Variants in LHFPL6 observed in about 807,000 individuals in gnomAD.
LHFPL6 encodes the protein LHFPL tetraspan subfamily member 6.
In LHFPL6, 9 loss-of-function variants were observed where a neutral mutation model predicts 20.6. The ratio of observed to expected loss-of-function variants is 0.44; its 90% CI spans 0.26 to 0.76. LHFPL6 has a LOEUF of 0.76. LHFPL6 is among the 30% of genes least tolerant of loss of function. LHFPL6 has a pLI of 0.20. For missense variants in LHFPL6, 218 were observed against 253.5 expected, an observed-to-expected ratio of 0.86 and a Z score of 0.95; for synonymous variants, 105 against 98.7, an observed-to-expected ratio of 1.06 and a Z score of -0.38.
intron 2 of LHFPL6, among the ~76,000 whole-genome samples, chr13:39,523,611 A>G (rs1029327974): frequency 1.3e-5 from 2 of 152,050 alleles, no homozygotes; most frequent in African/African-American, 4.8e-5. Flanking sequence ...GACCCAGGTC[A>G]TAAGAAGAAT....
intron 2 of LHFPL6, among the ~76,000 whole-genome samples, chr13:39,512,605 A>AAAAAAAAAAG (rs1166238464): frequency 6.7e-6 from 1 of 149,872 alleles, no homozygotes; most frequent in Non-Finnish European, 1.5e-5. Flanking sequence ...CCGTCTCAAA[A>AAAAAAAAAAG]AAAAAAAAAA....
chr13:39,573,333 C>T (rs1238956665), intron 2 of LHFPL6, among the ~76,000 whole-genome samples: 2 of 152,056 alleles, frequency 1.3e-5, no homozygotes, highest in Non-Finnish European at 2.9e-5. Flanking sequence ...AGGTCTTAGC[C>T]TTCGAAAGGA....
At chr13:39,398,922 C>T (rs1284222635) in intron 2 of LHFPL6, among the ~76,000 whole-genome samples, 1 of 152,190 alleles carries the variant, frequency 6.6e-6, no homozygotes, top group East Asian at 1.9e-4. Context: ...CTACACCCTC[C>T]TGTCCATGGA....
At chr13:39,495,630 C>T (rs978683940) in intron 2 of LHFPL6, among the ~76,000 whole-genome samples, 2 of 149,866 alleles carry the variant, frequency 1.3e-5, no homozygotes, top group African/African-American at 2.5e-5. Context: ...AGTATATGAT[C>T]GTGTAATAAC....
chr13:39,537,338 T>C (rs1270728168), intron 2 of LHFPL6, among the ~76,000 whole-genome samples: 1 of 151,962 alleles, frequency 6.6e-6, no homozygotes, highest in Non-Finnish European at 1.5e-5. Flanking sequence ...AAGGAAATAA[T>C]AGGTATAAAG....
chr13:39,562,407 C>CATATATAT (rs1401360857), intron 2 of LHFPL6, among the ~76,000 whole-genome samples: 2 of 70,184 alleles, frequency 2.8e-5, no homozygotes, highest in African/African-American at 1.1e-4. Flanking sequence ...TACATATATA[C>CATATATAT]ACATATACAC....
intron 3 of LHFPL6, among the ~76,000 whole-genome samples, chr13:39,349,721 GAA>G (rs1869508613): frequency 6.6e-6 from 1 of 152,240 alleles, no homozygotes; most frequent in African/African-American, 2.4e-5. Context: ...TCAGGTCAGT[GAA>G]AGAGAGCCTT....
At chr13:39,352,028 C>A (rs1869581693) in intron 3 of LHFPL6, among the ~76,000 whole-genome samples, 1 of 152,182 alleles carries the variant, frequency 6.6e-6, no homozygotes, top group Admixed American at 6.5e-5. Flanking sequence ...TTTGACAATG[C>A]CCATGTTCAA....
rs1344448133 is a variant in LHFPL6, at chr13:39,343,085, A to G, written c.*851T>C. 1 of 201,058 alleles carries G rather than the reference A, an allele frequency of 5.0e-6. No individual in the cohort carries two copies. The highest frequency in any genetic ancestry group is 1.0e-5 in the Non-Finnish European group (1 of 97,254). The allele number at this position is 201,058 out of a possible 1,614,324, so 12.5% of individuals were successfully genotyped here. ...TATCTTCGGCTGAATTCTCTCCTAT[A>G]GTGGACAGAAAGTTGCCCCTTTTCT... On this transcript the variant is annotated 3_prime_UTR_variant, in exon 4 of 4. Transcript: ENST00000379589.
At chr13:39,380,484 C>T (rs1310981370) in intron 2 of LHFPL6, among the ~76,000 whole-genome samples, 1 of 151,554 alleles carries the variant, frequency 6.6e-6, no homozygotes, top group Non-Finnish European at 1.5e-5. Context: ...TGAGCTCTGC[C>T]TCCTGTCAGA....
intron 2 of LHFPL6, among the ~76,000 whole-genome samples, chr13:39,402,612 A>C (rs1387221708): frequency 6.6e-6 from 1 of 152,226 alleles, no homozygotes; most frequent in Non-Finnish European, 1.5e-5. Flanking sequence ...TTCTATTGAC[A>C]ACACAAATAC....
chr13:39,485,075 C>T (rs1043619651), intron 2 of LHFPL6, among the ~76,000 whole-genome samples: 6 of 152,156 alleles, frequency 3.9e-5, no homozygotes, highest in African/African-American at 1.2e-4. Context: ...TCTACTAATG[C>T]TTTATAAATT....
chr13:39,489,221 C>A (rs1868830190), intron 2 of LHFPL6, among the ~76,000 whole-genome samples: 2 of 152,158 alleles, frequency 1.3e-5, no homozygotes, highest in Non-Finnish European at 2.9e-5. Flanking sequence ...TAAATACTGA[C>A]CGTACTGGGA....
intron 2 of LHFPL6, among the ~76,000 whole-genome samples, chr13:39,481,356 G>A (rs1328174675): frequency 6.6e-6 from 1 of 152,094 alleles, no homozygotes; most frequent in African/African-American, 2.4e-5. Context: ...AAACAGACAA[G>A]GTTGCCACTT....
At position 39,601,354 on chromosome 13, in the gene LHFPL6, A is replaced by G; in HGVS notation, c.-138T>C. 1 of 788,840 alleles carries G rather than the reference A, an allele frequency of 1.3e-6. No homozygotes were observed. Among genetic ancestry groups the G allele is most frequent in the Non-Finnish European group, 1.9e-6 (1 of 525,836 alleles). The allele number at this position is 788,840 out of a possible 1,614,324, so 48.9% of individuals were successfully genotyped here. A position where few individuals can be genotyped will look rare whatever the true frequency, so the allele number is the denominator to read the frequency against. On this transcript the variant is annotated 5_prime_UTR_variant, in exon 2 of 4. The change abolishes an upstream ATG in the 5' untranslated region. Coordinates refer to ENST00000379589, the MANE Select transcript of LHFPL6 (RefSeq NM_005780.3). ...GAATGGATCTTCAGTCTTACTGGGC[A>G]TCAACTTTCCATCCTCTGCACTAAA... is the stretch of plus-strand genomic sequence containing the variant.
chr13:39,489,660 T>A (rs1868849680), intron 2 of LHFPL6, among the ~76,000 whole-genome samples: 1 of 151,444 alleles, frequency 6.6e-6, no homozygotes, highest in Non-Finnish European at 1.5e-5. Flanking sequence ...GCTCAAGGGA[T>A]CCTCACCTCA....
chr13:39,435,577 A>AATTC (rs1273072173), intron 2 of LHFPL6, among the ~76,000 whole-genome samples: 1 of 152,242 alleles, frequency 6.6e-6, no homozygotes, highest in Non-Finnish European at 1.5e-5. Context: ...TTACAGAATT[A>AATTC]TGCGTGAGTA....
intron 2 of LHFPL6, among the ~76,000 whole-genome samples, chr13:39,462,867 T>C (rs1872718312): frequency 1.3e-5 from 2 of 152,282 alleles, no homozygotes; most frequent in South Asian, 4.1e-4. Context: ...GGATTCATTC[T>C]TCGGGATGGG....
chr13:39,558,185 A>G (rs917738130), intron 2 of LHFPL6, among the ~76,000 whole-genome samples: 1 of 152,238 alleles, frequency 6.6e-6, no homozygotes, highest in Non-Finnish European at 1.5e-5. Context: ...ATATTACACT[A>G]GTCTCACAGA....
Sources: allele counts gnomAD v4.1 joint callset (sites outside exome capture counted in the v4.1 genomes callset), GRCh38; gene constraint gnomAD v4.1.1; transcripts MANE v1.5; gene names NCBI Gene and HGNC (gene_info 2026-07-23, HGNC 2026-07-21).